Variants in RNF31 observed in about 807,000 individuals in gnomAD.
The protein encoded by RNF31 is ring finger protein 31.
A neutral mutation model predicts 133.6 loss-of-function variants in RNF31; 38 were observed. The observed-to-expected ratio is 0.28, with a 90% CI of 0.22 to 0.37. The LOEUF is 0.37. RNF31 is among the 10% of genes least tolerant of loss of function. The pLI, the probability that RNF31 is intolerant of heterozygous loss-of-function variation, is 1.00. For synonymous variants in RNF31, 582 were observed against 552.3 expected (o/e 1.05, Z -0.75); for missense variants, 1,118 against 1,394.1 (o/e 0.80, Z 3.15).
chr14:24,147,343 G>T (rs1001574712), upstream of RNF31: 1 of 220,058 alleles, frequency 4.5e-6, no homozygotes, highest in African/African-American at 2.3e-5. Flanking sequence ...ATGCTGGCGC[G>T]CTCTGAGGGA....
Position 24,157,650 on chromosome 14 carries a change from G to A in RNF31, c.2727+12G>A. ...TTTACGCCAAGAATGTAAGCCCAGA[G>A]AGTTGGGGAAGGGGTGGAAGGGTGG... On this transcript the variant is annotated intron_variant, in intron 16 of 20. Transcript: ENST00000324103. 6.2e-7 allele frequency: 1 copy of A among 1,611,102 alleles called. No individual in the cohort carries two copies. The highest frequency in any genetic ancestry group is 1.1e-5 in the South Asian group (1 of 91,000).
rs1439813102 is a variant in RNF31 at position 24,147,991 on chromosome 14, A to G, written c.208A>G (p.Asn70Asp). 1 of 1,614,076 alleles carries G rather than the reference A, an allele frequency of 6.2e-7. No homozygotes were observed. Reference protein sequence around the residue: ...NAHGEPRNYLNTLSTALNILE... With the variant: ...NAHGEPRNYLDTLSTALNILE... ...TTGCTCCCAGCCCCGAAACTACCTCAACACCCTGTCCACGGCTCTGAACAT... is the reference window on the plus strand; with the variant it reads ...TTGCTCCCAGCCCCGAAACTACCTCGACACCCTGTCCACGGCTCTGAACAT... The change falls in exon 2 of 21, where the codon AAC (asparagine) becomes GAC (aspartate). Residue 70 changes from asparagine (N) to aspartate (D), a missense_variant. By Grantham distance (23) the Asn-to-Asp change is conservative (BLOSUM62 1). This residue lies in a region of RNF31 where 747 missense variants were observed against 827.9 expected (regional missense o/e 0.90). Transcript: ENST00000324103.
Position 24,151,503 on chromosome 14 carries a change from C to T in RNF31, c.1756C>T (p.Leu586=). The change falls in exon 10 of 21, where the codon CTA becomes TTA. Residue 586 remains leucine, a synonymous_variant. Coordinates refer to ENST00000324103, the MANE Select transcript of RNF31 (RefSeq NM_017999.5). The surrounding 1 kb of genome is among the most constrained non-coding windows in gnomAD (Gnocchi z 5.3). The part of the protein sequence containing the change: ...RRRKVQELQS[L]GFGPEEGSLQ... ...CTTGCAGGTGCAGGAGCTCCAGTCT[C>T]TAGGCTTTGGGCCTGAGGAGGGGTC... is the stretch of plus-strand genomic sequence containing the variant. The T allele has an allele frequency of 1.2e-6, 2 of 1,614,242 alleles. No individual in the cohort carries two copies. Among genetic ancestry groups the T allele is most frequent in the African/African-American group, 2.7e-5 (2 of 75,072 alleles).
chr14:24,158,550 G>A (rs2139092660), intron 18 of RNF31: 1 of 327,872 alleles, frequency 3.0e-6, no homozygotes, highest in Non-Finnish European at 5.7e-6. Context: ...CAACAGAAAG[G>A]TGTTACATAT....
At position 24,149,533 on chromosome 14, in the gene RNF31, C is replaced by A. The variant is rs374948004; in HGVS notation, c.759C>A (p.His253Gln). 1 of 1,614,154 alleles carries A rather than the reference C, an allele frequency of 6.2e-7. No individual in the cohort carries two copies. Among genetic ancestry groups the A allele is most frequent in the East Asian group, 2.2e-5 (1 of 44,880 alleles). The change falls in exon 6 of 21, where the codon CAC (histidine) becomes CAA (glutamine). Residue 253 changes from histidine (H) to glutamine (Q), a missense_variant. By Grantham distance (24) the His-to-Gln change is conservative. Transcript: ENST00000324103. ...LFHGHPSRAH[H>Q]LRQTLPGVLQ... Reference sequence around the variant, plus strand: ...ATGGACACCCATCCCGTGCTCATCACCTCCGCCAGACCCTGCCTGGGGTCC... The same window carrying A: ...ATGGACACCCATCCCGTGCTCATCAACTCCGCCAGACCCTGCCTGGGGTCC...
At position 24,150,692 on chromosome 14, in the gene RNF31, T is replaced by C. The variant is rs773120362; in HGVS notation, c.1292T>C (p.Met431Thr). The change falls in exon 8 of 21, where the codon ATG becomes ACG. Residue 431 changes from methionine (M) to threonine (T), a missense_variant. Met to Thr is a moderately conservative substitution (Grantham distance 81). Transcript: ENST00000324103. ...CNSSPGWVCV[M>T]CNRTSSPIPA... ...TCGAGCCCTGGCTGGGTGTGTGTTATGTGCAACCGGACTAGTAGCCCCATT... is the reference window on the plus strand; with the variant it reads ...TCGAGCCCTGGCTGGGTGTGTGTTACGTGCAACCGGACTAGTAGCCCCATT... 7 of 1,614,104 alleles carry C rather than the reference T, an allele frequency of 4.3e-6. No individual in the cohort carries two copies. Among genetic ancestry groups the C allele is most frequent in the African/African-American group, 2.7e-5 (2 of 74,930 alleles).
rs1326904145 is a variant in RNF31 at position 24,149,692 on chromosome 14, G to A, written c.809+109G>A. On this transcript the variant is annotated intron_variant, in intron 6 of 20. Transcript: ENST00000324103. ...CTAAAGACTGTTTAATAGAGGACAA[G>A]TAGCCAGTCAGAACCCTGAAAGAGA... The A allele has an allele frequency of 3.5e-6, 4 of 1,130,026 alleles. No individual in the cohort carries two copies. In the African/African-American group the frequency reaches 4.7e-5, roughly 13 times the overall value. The allele number at this position is 1,130,026 out of a possible 1,614,324, so 70.0% of individuals were successfully genotyped here. A position where few individuals can be genotyped will look rare whatever the true frequency, so the allele number is the denominator to read the frequency against.
In RNF31 at chr14:24,147,782, G is replaced by A. The variant is rs749786038; in HGVS notation, c.84G>A (p.Ala28=). ...CCCTGAGGAGGGATTCCGGGCAGGC[G>A]TTTTCCCTGGAGCAGCTCCGGCCGC... The part of the protein sequence containing the change: ...ASALRRDSGQ[A]FSLEQLRPLL... The change falls in exon 1 of 21, where the codon GCG becomes GCA. Residue 28 remains alanine, a synonymous_variant. Transcript: ENST00000324103. The A allele has an allele frequency of 4.4e-6, 7 of 1,585,876 alleles. No homozygotes were observed. In the Admixed American group the frequency reaches 1.1e-4, roughly 24 times the overall value.
rs1265769648 is a variant in RNF31 at position 24,160,506 on chromosome 14, C to T, written c.3166-14C>T. On this transcript the variant is annotated splice_polypyrimidine_tract_variant and intron_variant, in intron 20 of 20. Transcript: ENST00000324103. This position sits in a 1 kb window ranked among gnomAD's most constrained non-coding sequence, Gnocchi z 4.0. ...CAGGCTTCCAATATCATTACCTTCT[C>T]TCTCCTTCTGCAGAAGCTGACAGAA... 1.3e-6 allele frequency: 2 copies of T among 1,557,272 alleles called. No individual in the cohort carries two copies. Among genetic ancestry groups the T allele is most frequent in the South Asian group, 1.2e-5 (1 of 83,948 alleles).
rs1033263917 is a variant in RNF31 at position 24,147,553 on chromosome 14, C to T, written c.-146C>T. 8.1e-6 allele frequency: 5 copies of T among 614,556 alleles called. No individual in the cohort carries two copies. The highest frequency in any genetic ancestry group is 1.2e-5 in the Non-Finnish European group (5 of 400,714). 38.1% of individuals were successfully genotyped at this position (614,556 alleles called of 1,614,324 possible). A position where few individuals can be genotyped will look rare whatever the true frequency, so the allele number is the denominator to read the frequency against. On this transcript the variant is annotated 5_prime_UTR_variant, in exon 1 of 21. Transcript: ENST00000324103. Reference sequence around the variant, plus strand: ...CGCTGGGCCGGGGGCTGGAGAGTGACCGTGGTCTGAGTGACCTGGGGCGGC... The same window carrying T: ...CGCTGGGCCGGGGGCTGGAGAGTGATCGTGGTCTGAGTGACCTGGGGCGGC...
chr14:24,158,995 C>A (rs866257943), intron 18 of RNF31, among the ~76,000 whole-genome samples: 1 of 135,730 alleles, frequency 7.4e-6, no homozygotes, highest in Admixed American at 8.0e-5. Context: ...ATGGCGCCAC[C>A]GCACTCCAGC....
At chr14:24,152,054 AC>A in intron 11 of RNF31, 62 bp downstream of exon 11, 2 of 1,491,422 alleles carry the variant, frequency 1.3e-6, no homozygotes, top group Non-Finnish European at 1.8e-6. Flanking sequence ...CCCCCATCCT[AC>A]CCCAGTCTCC....
At chr14:24,159,546 C>G (rs1198747246) in intron 18 of RNF31, among the ~76,000 whole-genome samples, 4 of 145,436 alleles carry the variant, frequency 2.8e-5, no homozygotes, top group Middle Eastern at 3.6e-3. Context: ...GTAAGATCTT[C>G]CGATAATAAG....
chr14:24,157,674 G>A (rs543111280), intron 16 of RNF31, 36 bp downstream of exon 16: 3 of 1,569,192 alleles, frequency 1.9e-6, no homozygotes, highest in Non-Finnish European at 2.6e-6. Flanking sequence ...GTGGAAGGGT[G>A]GGGGGTGCCA....
chr14:24,147,337 T>G, upstream of RNF31: 1 of 214,944 alleles, frequency 4.7e-6, no homozygotes, highest in Non-Finnish European at 9.1e-6. Context: ...GGGAAGATGC[T>G]GGCGCGCTCT....
rs755598153 is a variant in RNF31 at position 24,150,453 on chromosome 14, C to T, written c.1197+5C>T. On this transcript the variant is annotated splice_donor_5th_base_variant and intron_variant, in intron 7 of 20. Transcript: ENST00000324103. ...ATTTGCCTGCAACCCCTTCAGGTAA[C>T]TGGCCTTCCCAGCTCTTTATCGTGT... 2.5e-6 allele frequency: 4 copies of T among 1,605,036 alleles called. No individual in the cohort carries two copies. In the African/African-American group the frequency reaches 5.3e-5, roughly 21 times the overall value.
Position 24,155,804 on chromosome 14 carries a change from A to T in RNF31, c.2493+112A>T. 1 of 866,808 alleles carries T rather than the reference A, an allele frequency of 1.2e-6. No individual in the cohort carries two copies. Among genetic ancestry groups the T allele is most frequent in the East Asian group, 2.5e-5 (1 of 39,608 alleles). The allele number at this position is 866,808 out of a possible 1,614,324, so 53.7% of individuals were successfully genotyped here. A position where few individuals can be genotyped will look rare whatever the true frequency, so the allele number is the denominator to read the frequency against. On this transcript the variant is annotated intron_variant, in intron 14 of 20. Coordinates refer to ENST00000324103, the MANE Select transcript of RNF31 (RefSeq NM_017999.5). This position sits in a 1 kb window ranked among gnomAD's most constrained non-coding sequence, Gnocchi z 4.9. ...CAAAACAGACATGAGCTCTGAGGTC[A>T]AAAGAGCTTACAGACTACTCAGAAA...
chr14:24,160,156 G>T lies in RNF31; in HGVS notation c.2997-83G>T. 1.3e-6 allele frequency: 2 copies of T among 1,490,680 alleles called. No homozygotes were observed. Among genetic ancestry groups the T allele is most frequent in the Non-Finnish European group, 1.8e-6 (2 of 1,097,454 alleles). 92.3% of individuals were successfully genotyped at this position (1,490,680 alleles called of 1,614,324 possible). ...GTGGGTTGTTAATCTTGTTCGTCCA[G>T]GTGTCTCAGAGTCCAGCTATGTTAG... On this transcript the variant is annotated intron_variant, in intron 19 of 20. Transcript: ENST00000324103. The surrounding 1 kb of genome is among the most constrained non-coding windows in gnomAD (Gnocchi z 4.0).
intron 5 of RNF31, 142 bp downstream of exon 5, chr14:24,149,018 C>T: frequency 1.2e-6 from 1 of 815,322 alleles, no homozygotes; most frequent in Non-Finnish European, 2.1e-6. Flanking sequence ...GGCTGGAGTG[C>T]AATGGTGCGA....
Sources: gnomAD v4.1 joint callset for allele counts (sites outside exome capture counted in the v4.1 genomes callset) on GRCh38, gnomAD v4.1.1 for gene constraint, gnomAD v4.1.1 regional missense constraint, Gnocchi (gnomAD v3.1) non-coding constraint, MANE v1.5 for transcripts, NCBI Gene and HGNC (gene_info 2026-07-23, HGNC 2026-07-21) for gene names.